CLSTN2: variants seen among roughly 807,000 people sequenced by gnomAD.
CLSTN2 encodes calsyntenin 2.
A neutral mutation model predicts 101.2 loss-of-function variants in CLSTN2; 48 were observed. That is an observed-to-expected ratio of 0.47 (90% CI 0.38 to 0.60). The LOEUF (loss-of-function observed/expected upper bound fraction) is 0.60, where lower values mean the gene tolerates loss of function less well. Ranked by LOEUF, CLSTN2 falls within the 20% of genes least tolerant of loss-of-function variation. The probability of loss-of-function intolerance (pLI) is 0.00; values close to 1 mark genes in which losing one functional copy is unlikely to be tolerated. For missense variants in CLSTN2, 1,160 were observed against 1,238.2 expected (o/e 0.94, Z 0.95); for synonymous variants, 481 against 463.6 (o/e 1.04, Z -0.48).
chr3:140,430,224 CA>C (rs1308808920), intron 5 of CLSTN2, among the ~76,000 whole-genome samples: 1 of 152,084 alleles, frequency 6.6e-6, no homozygotes, highest in African/African-American at 2.4e-5. Flanking sequence ...TCTGAGGTTC[CA>C]CCATTGCAGT....
At chr3:140,248,355 G>T (rs902579036) in intron 2 of CLSTN2, among the ~76,000 whole-genome samples, 3 of 152,186 alleles carry the variant, frequency 2.0e-5, no homozygotes, top group African/African-American at 7.2e-5. Context: ...TAAATGCCTG[G>T]GTCTGCAGAG....
chr3:140,558,486 C>T (rs1332696747), intron 11 of CLSTN2, among the ~76,000 whole-genome samples, 154 bp from the exon 12 acceptor site: 1 of 152,148 alleles, frequency 6.6e-6, no homozygotes, highest in Non-Finnish European at 1.5e-5. Context: ...TATAATGTGG[C>T]TTTAAATTTG....
chr3:140,479,736 G>T (rs1433417850), intron 8 of CLSTN2, among the ~76,000 whole-genome samples: 1 of 152,038 alleles, frequency 6.6e-6, no homozygotes, highest in Non-Finnish European at 1.5e-5. Flanking sequence ...AGAAATGGAA[G>T]AAAGAGAGCC....
At chr3:140,162,634 G>A (rs1029986494) in intron 1 of CLSTN2, among the ~76,000 whole-genome samples, 15 of 152,166 alleles carry the variant, frequency 9.9e-5, no homozygotes, top group African/African-American at 3.1e-4. Flanking sequence ...GCTGGGTGGC[G>A]GGGGCCTTTT....
intron 8 of CLSTN2, among the ~76,000 whole-genome samples, chr3:140,467,618 A>G (rs184305990): frequency 4.1e-4 from 62 of 152,086 alleles, no homozygotes; most frequent in African/African-American, 1.3e-3. Flanking sequence ...CCCCTTCCAT[A>G]TGCTGGGCTA....
intron 2 of CLSTN2, among the ~76,000 whole-genome samples, chr3:140,254,898 C>G (rs1391247073): frequency 1.3e-5 from 2 of 151,960 alleles, no homozygotes; most frequent in East Asian, 3.9e-4. Flanking sequence ...AAAATATTTG[C>G]AAACTATGCA....
chr3:140,096,160 TTCCTGA>T (rs1354218860), intron 1 of CLSTN2, among the ~76,000 whole-genome samples: 1 of 152,200 alleles, frequency 6.6e-6, no homozygotes, highest in East Asian at 1.9e-4. Context: ...TCCTCATGCC[TTCCTGA>T]TCCTGAAATC....
intron 2 of CLSTN2, among the ~76,000 whole-genome samples, chr3:140,383,429 C>T (rs1225287484): frequency 6.6e-6 from 1 of 152,198 alleles, no homozygotes; most frequent in Non-Finnish European, 1.5e-5. Context: ...CTAAGCTTAT[C>T]GTGGAAGTTC....
At chr3:139,995,488 C>T (rs1936187037) in intron 1 of CLSTN2, among the ~76,000 whole-genome samples, 2 of 152,116 alleles carry the variant, frequency 1.3e-5, no homozygotes, top group South Asian at 4.1e-4. Context: ...GTCTTTTCTC[C>T]TCTCCCCTTA....
At chr3:140,544,691 C>T (rs898085608) in intron 9 of CLSTN2, among the ~76,000 whole-genome samples, 4 of 150,178 alleles carry the variant, frequency 2.7e-5, no homozygotes, top group African/African-American at 5.0e-5. Context: ...TTAAAATGAA[C>T]GTTCTAAGGC....
intron 1 of CLSTN2, among the ~76,000 whole-genome samples, chr3:139,995,628 G>A (rs1936189971): frequency 6.6e-6 from 1 of 152,162 alleles, no homozygotes; most frequent in Admixed American, 6.5e-5. Flanking sequence ...AGAGCTGTGT[G>A]GAAAAGGAAT....
At chr3:140,292,957 C>T (rs1375467577) in intron 2 of CLSTN2, among the ~76,000 whole-genome samples, 3 of 152,204 alleles carry the variant, frequency 2.0e-5, no homozygotes, top group Non-Finnish European at 4.4e-5. Flanking sequence ...TGGCCTGCTG[C>T]CCAGGCAGTT....
intron 2 of CLSTN2, among the ~76,000 whole-genome samples, chr3:140,300,365 T>TC (rs2087046299): frequency 6.6e-6 from 1 of 152,212 alleles, no homozygotes; most frequent in Admixed American, 6.5e-5. Flanking sequence ...CTGTCTTGCT[T>TC]CCTTCTGTCT....
chr3:140,023,645 G>A (rs1296805313), intron 1 of CLSTN2, among the ~76,000 whole-genome samples: 2 of 152,096 alleles, frequency 1.3e-5, no homozygotes, highest in Non-Finnish European at 2.9e-5. Flanking sequence ...CAGCACACTG[G>A]GGCACCTCTA....
chr3:140,415,681 G>A lies in CLSTN2; in HGVS notation c.638-5444G>A, dbSNP rs574354948. Among the ~76,000 whole-genome samples the A allele has an allele frequency of 5.3e-5, 8 of 152,180 alleles. No homozygotes were observed. The East Asian group carries it at 1.5e-3, about 29-fold the overall frequency. The stretch of plus-strand genomic sequence containing the variant: ...CCTCACAATTATTAGGATGACTACT[G>A]TCAAAAAGTCCATGAGGAGAAGCAT... On this transcript the variant is annotated intron_variant, in intron 4 of 16. Coordinates refer to ENST00000458420, the MANE Select transcript of CLSTN2 (RefSeq NM_022131.3).
chr3:139,976,970 T>C lies in CLSTN2; in HGVS notation c.109+41487T>C, dbSNP rs1029028213. 1.3e-5 allele frequency among the ~76,000 whole-genome samples: 2 copies of C among 152,148 alleles called. 1 individual carries two copies. The highest frequency in any genetic ancestry group is 4.1e-4 in the South Asian group (2 of 4,830). ...GAAGCACCCGCCCGCTCCATCTGCC[T>C]CCTCTTCCTGCTCCAGCCAGTTGCC... On this transcript the variant is annotated intron_variant, in intron 1 of 16. Coordinates refer to ENST00000458420, the MANE Select transcript of CLSTN2 (RefSeq NM_022131.3).
intron 2 of CLSTN2, among the ~76,000 whole-genome samples, chr3:140,345,389 C>G (rs1459324310): frequency 1.3e-5 from 2 of 151,806 alleles, no homozygotes; most frequent in Admixed American, 1.3e-4. Flanking sequence ...GCTGGGATTA[C>G]AGGCGCCTGC....
intron 1 of CLSTN2, among the ~76,000 whole-genome samples, chr3:140,142,022 C>A (rs1285034666): frequency 2.0e-5 from 3 of 152,196 alleles, no homozygotes; most frequent in Admixed American, 2.0e-4. Flanking sequence ...AATGAAGCAG[C>A]AACTCCAGGA....
At chr3:140,211,615 C>T (rs1475827179) in intron 2 of CLSTN2, among the ~76,000 whole-genome samples, 1 of 149,556 alleles carries the variant, frequency 6.7e-6, no homozygotes, top group Non-Finnish European at 1.5e-5. Flanking sequence ...TTCATTTAAT[C>T]CTCTGCAATA....
Sources: gnomAD v4.1 joint callset for allele counts (sites outside exome capture counted in the v4.1 genomes callset) on GRCh38, gnomAD v4.1.1 for gene constraint, MANE v1.5 for transcripts, NCBI Gene and HGNC (gene_info 2026-07-23, HGNC 2026-07-21) for gene names.